CARMIL1: variants seen among roughly 807,000 people sequenced by gnomAD.
CARMIL1 encodes the protein F-actin-uncapping protein LRRC16A.
Under a neutral mutation model 177.1 loss-of-function variants are expected in CARMIL1, and 90 were observed. That is an observed-to-expected ratio of 0.51 (90% CI 0.43 to 0.61). The LOEUF is 0.61. CARMIL1 is among the 20% of genes least tolerant of loss of function. The pLI is 0.00. For synonymous variants in CARMIL1, 577 were observed against 606.2 expected, an observed-to-expected ratio of 0.95 and a Z score of 0.71; for missense variants, 1,380 against 1,667.0, an observed-to-expected ratio of 0.83 and a Z score of 3.00.
chr6:25,459,256 TTCTTTCTTTC>T (rs1562167559), intron 8 of CARMIL1, among the ~76,000 whole-genome samples: 2 of 119,926 alleles, frequency 1.7e-5, no homozygotes, highest in African/African-American at 6.5e-5. Flanking sequence ...CTTTCTTTCT[TTCTTTCTTTC>T]TTTTTTTTTT....
chr6:25,424,139 A>G (rs561587517), intron 3 of CARMIL1, among the ~76,000 whole-genome samples: 4 of 152,250 alleles, frequency 2.6e-5, no homozygotes, highest in East Asian at 1.9e-4. Flanking sequence ...TCAGCCAGTC[A>G]TCCTTGTTGA....
chr6:25,603,820 T>C (rs1815660949), intron 33 of CARMIL1, among the ~76,000 whole-genome samples: 2 of 152,206 alleles, frequency 1.3e-5, no homozygotes, highest in Admixed American at 6.5e-5. Flanking sequence ...CAGTCTAGTG[T>C]AGACTTTCTA....
At chr6:25,316,686 A>C (rs1303495405) in intron 2 of CARMIL1, among the ~76,000 whole-genome samples, 3 of 152,258 alleles carry the variant, frequency 2.0e-5, no homozygotes, top group African/African-American at 7.2e-5. Context: ...TGCTGGAATT[A>C]GACATGAGCC....
chr6:25,287,808 CTG>C (rs1252744024), intron 2 of CARMIL1, among the ~76,000 whole-genome samples: 1 of 152,192 alleles, frequency 6.6e-6, no homozygotes, highest in African/African-American at 2.4e-5. Flanking sequence ...AAGAAGGCAG[CTG>C]TTACTTTGTT....
At chr6:25,573,590 CAAAAAAAAA>C (rs5875051) in intron 29 of CARMIL1, among the ~76,000 whole-genome samples, 4 of 69,986 alleles carry the variant, frequency 5.7e-5, no homozygotes, top group Non-Finnish European at 1.0e-4. Context: ...TACCTCTAAG[CAAAAAAAAA>C]AAAAAAAAAA....
At chr6:25,288,478 G>GTT (rs370669890) in intron 2 of CARMIL1, among the ~76,000 whole-genome samples, 3,791 of 133,416 alleles carry the variant, frequency 0.028, 194 homozygotes, top group African/African-American at 0.095. Flanking sequence ...TAAGAATCAG[G>GTT]TTTTTTTTTT....
At chr6:25,463,119 C>T (rs1013229684) in intron 8 of CARMIL1, among the ~76,000 whole-genome samples, 1 of 152,098 alleles carries the variant, frequency 6.6e-6, no homozygotes, top group East Asian at 1.9e-4. Flanking sequence ...TCTTGTAAAA[C>T]AGATTATGAA....
rs1781414328 is a variant in CARMIL1 at position 25,284,862 on chromosome 6, A to G, written c.91A>G (p.Lys31Glu). Residue 31 changes from lysine to glutamate, a missense_variant, in exon 2 of 37, where the codon AAA becomes GAA. Coordinates refer to ENST00000329474, the MANE Select transcript of CARMIL1 (RefSeq NM_017640.6). ...AAAGATAAAAATTTCAGTGAAGAAG[A>G]AAGTAAAGTTGGAAGTTAAGGGAGA... The part of the protein sequence containing the change: ...GRKIKISVKK[K>E]VKLEVKGDKV... The G allele has an allele frequency of 1.9e-6, 3 of 1,574,474 alleles. No homozygotes were observed. Among genetic ancestry groups the G allele is most frequent in the Admixed American group, 3.7e-5 (2 of 54,652 alleles).
chr6:25,405,009 G>A (rs1362639334), intron 2 of CARMIL1, among the ~76,000 whole-genome samples: 5 of 150,318 alleles, frequency 3.3e-5, no homozygotes, highest in African/African-American at 1.2e-4. Flanking sequence ...CAGCAGCAGT[G>A]TTTATGACTA....
intron 23 of CARMIL1, among the ~76,000 whole-genome samples, chr6:25,521,364 T>G (rs1379925294): frequency 6.8e-6 from 1 of 146,780 alleles, no homozygotes; most frequent in African/African-American, 2.5e-5. Context: ...GTTTTAGCAT[T>G]AAAATGAGGG....
chr6:25,389,800 A>G (rs977566120), intron 2 of CARMIL1, among the ~76,000 whole-genome samples: 4 of 152,242 alleles, frequency 2.6e-5, no homozygotes, highest in African/African-American at 9.6e-5. Context: ...ACAAGAGGGC[A>G]TGCAATATCA....
chr6:25,370,106 G>C (rs1316200130), intron 2 of CARMIL1: 1 of 152,146 alleles, frequency 6.6e-6, no homozygotes. Context: ...AAAAACAAGC[G>C]CATTAAACTA....
chr6:25,301,943 G>A (rs1581494813), intron 2 of CARMIL1, among the ~76,000 whole-genome samples: 4 of 152,008 alleles, frequency 2.6e-5, no homozygotes, highest in Admixed American at 2.6e-4. Flanking sequence ...GTGTTGCTTT[G>A]CCTCCAATAA....
chr6:25,611,720 C>G (rs556263582), intron 36 of CARMIL1, among the ~76,000 whole-genome samples: 1 of 152,252 alleles, frequency 6.6e-6, no homozygotes, highest in African/African-American at 2.4e-5. Flanking sequence ...ATACAAAAAT[C>G]ATTGTTTTAA....
chr6:25,305,901 AT>A (rs1783220667), intron 2 of CARMIL1, among the ~76,000 whole-genome samples: 1 of 152,238 alleles, frequency 6.6e-6, no homozygotes, highest in African/African-American at 2.4e-5. Context: ...GACATTAAAA[AT>A]ATCCTTTTTT....
At chr6:25,388,722 T>C (rs72830739) in intron 2 of CARMIL1, among the ~76,000 whole-genome samples, 1 of 151,712 alleles carries the variant, frequency 6.6e-6, no homozygotes, top group African/African-American at 2.4e-5. Flanking sequence ...TAGGCTGGAG[T>C]GCAATGGCAT....
intron 31 of CARMIL1, among the ~76,000 whole-genome samples, chr6:25,585,123 A>G (rs1813510296): frequency 1.3e-5 from 2 of 152,216 alleles, no homozygotes; most frequent in South Asian, 2.1e-4. Context: ...GTGAAAATAT[A>G]TTACCTTATG....
chr6:25,619,527 G>T lies in CARMIL1; in HGVS notation c.4060G>T (p.Gly1354Cys). ...GTCCTCCAGTAAAGATGGCCATCAA[G>T]GCAGCAAATCTAATGACTCCGGGGA... ...QRSSSKDGHQ[G>C]SKSNDSGEEA... The change falls in exon 37 of 37, where the codon GGC (glycine) becomes TGC (cysteine). Residue 1354 changes from glycine to cysteine, a missense_variant. Physicochemically the swap from Gly to Cys is radical, Grantham distance 159. Coordinates refer to ENST00000329474, the MANE Select transcript of CARMIL1 (RefSeq NM_017640.6). 6.2e-7 allele frequency: 1 copy of T among 1,613,876 alleles called. No individual in the cohort carries two copies. Among genetic ancestry groups the T allele is most frequent in the Non-Finnish European group, 8.5e-7 (1 of 1,179,840 alleles).
At chr6:25,401,252 T>C (rs73730723) in intron 2 of CARMIL1, among the ~76,000 whole-genome samples, 1,779 of 150,590 alleles carry the variant, frequency 0.012, 29 homozygotes, top group African/African-American at 0.038. Context: ...ATTTTAATAT[T>C]CCCCCCCAGA....
Sources: gnomAD v4.1 joint callset for allele counts (sites outside exome capture counted in the v4.1 genomes callset) on GRCh38, gnomAD v4.1.1 for gene constraint, MANE v1.5 for transcripts, NCBI Gene and HGNC (gene_info 2026-07-23, HGNC 2026-07-21) for gene names.